The following HEMK2 variants were observed in gnomAD, a reference collection of about 807,000 sequenced individuals.
The protein encoded by HEMK2 is methyltransferase HEMK2.
At chr21:28,682,539 A>G in the HEMK2 span, among the ~76,000 whole-genome samples, 1 of 152,094 alleles carries the variant, frequency 6.6e-6, no homozygotes, top group East Asian at 1.9e-4. Context: ...TGACCCAGCC[A>G]TCCCATTACT....
the HEMK2 span, among the ~76,000 whole-genome samples, chr21:28,744,433 C>T: frequency 2.0e-5 from 3 of 152,076 alleles, no homozygotes; most frequent in East Asian, 5.8e-4. Flanking sequence ...TGGTTAATTG[C>T]CGAACACTTT....
At chr21:28,829,620 T>A in the HEMK2 span, among the ~76,000 whole-genome samples, 1 of 152,148 alleles carries the variant, frequency 6.6e-6, no homozygotes, top group African/African-American at 2.4e-5. Context: ...GGTATTCTGT[T>A]ACAGCTGCAC....
chr21:28,847,385 A>G, the HEMK2 span, among the ~76,000 whole-genome samples: 5 of 152,344 alleles, frequency 3.3e-5, no homozygotes, highest in East Asian at 3.9e-4. Flanking sequence ...AATGTTGAGC[A>G]TATTTTCATA....
the HEMK2 span, among the ~76,000 whole-genome samples, chr21:28,842,369 CCTCT>C: frequency 6.6e-6 from 1 of 152,002 alleles, no homozygotes; most frequent in South Asian, 2.1e-4. Context: ...TAAACATTTA[CCTCT>C]CTCACCCTTT....
At chr21:28,855,031 T>C in the HEMK2 span, among the ~76,000 whole-genome samples, 1 of 152,176 alleles carries the variant, frequency 6.6e-6, no homozygotes, top group Non-Finnish European at 1.5e-5. Flanking sequence ...ACCTTGAATG[T>C]AAATGGGCTA....
chr21:28,671,375 G>A, the HEMK2 span: 3 of 152,300 alleles, frequency 2.0e-5, no homozygotes, highest in Admixed American at 1.3e-4. Flanking sequence ...AATCATGAGA[G>A]GAAGATTTCA....
the HEMK2 span, among the ~76,000 whole-genome samples, chr21:28,611,944 A>G: frequency 6.6e-6 from 1 of 151,924 alleles, no homozygotes; most frequent in Non-Finnish European, 1.5e-5. Flanking sequence ...TTACCAACAA[A>G]AAAATTTCAG....
the HEMK2 span, among the ~76,000 whole-genome samples, chr21:28,861,288 A>ACATAATAG: frequency 6.6e-6 from 1 of 152,224 alleles, no homozygotes; most frequent in African/African-American, 2.4e-5. Flanking sequence ...TGCTGTAATA[A>ACATAATAG]ACAGCAGAGG....
At chr21:28,804,764 G>A in the HEMK2 span, among the ~76,000 whole-genome samples, 2 of 152,028 alleles carry the variant, frequency 1.3e-5, no homozygotes, top group Admixed American at 6.6e-5. Flanking sequence ...AACATTAGAC[G>A]GGCCACATGG....
the HEMK2 span, among the ~76,000 whole-genome samples, chr21:28,772,094 C>T: frequency 6.6e-6 from 1 of 152,112 alleles, no homozygotes; most frequent in African/African-American, 2.4e-5. Flanking sequence ...CTGGGGTTTG[C>T]AGGAACAGAA....
the HEMK2 span, among the ~76,000 whole-genome samples, chr21:28,621,622 C>T: frequency 5.4e-3 from 814 of 151,918 alleles, 17 homozygotes; most frequent in East Asian, 0.067. Flanking sequence ...TTGGGATAGG[C>T]GGTGGAATTA....
the HEMK2 span, among the ~76,000 whole-genome samples, chr21:28,620,093 CAG>C: frequency 2.2e-3 from 335 of 152,252 alleles, 2 homozygotes; most frequent in African/African-American, 7.6e-3. Context: ...GGAGTGGTGA[CAG>C]AGGACATTCA....
chr21:28,608,601 A>C, the HEMK2 span, among the ~76,000 whole-genome samples: 2 of 152,206 alleles, frequency 1.3e-5, no homozygotes, highest in African/African-American at 4.8e-5. Flanking sequence ...TCTGTGAGAC[A>C]GCTGAGGAAC....
At chr21:28,808,889 T>C in the HEMK2 span, among the ~76,000 whole-genome samples, 3 of 152,168 alleles carry the variant, frequency 2.0e-5, no homozygotes, top group Non-Finnish European at 4.4e-5. Flanking sequence ...AATTTAATAG[T>C]TTTAATTAAG....
the HEMK2 span, among the ~76,000 whole-genome samples, chr21:28,832,625 A>T: frequency 6.6e-6 from 1 of 152,194 alleles, no homozygotes; most frequent in Non-Finnish European, 1.5e-5. Context: ...AACTCTCTCT[A>T]AACATCATGT....
chr21:28,881,278 T>G, the HEMK2 span, among the ~76,000 whole-genome samples: 2 of 152,126 alleles, frequency 1.3e-5, no homozygotes, highest in African/African-American at 2.4e-5. Flanking sequence ...GTGGCCTGAG[T>G]AGGGTTTATC....
chr21:28,787,905 A>C, the HEMK2 span, among the ~76,000 whole-genome samples: 415 of 152,254 alleles, frequency 2.7e-3, 4 homozygotes, highest in Non-Finnish European at 1.4e-3. Flanking sequence ...AGATACTTGC[A>C]CGTGCATGTT....
the HEMK2 span, among the ~76,000 whole-genome samples, chr21:28,607,708 C>T: frequency 2.6e-5 from 4 of 152,162 alleles, no homozygotes; most frequent in African/African-American, 9.7e-5. Flanking sequence ...TATTACCTGG[C>T]ACATTGAGAA....
chr21:28,872,503 C>G, the HEMK2 span: 122 of 152,356 alleles, frequency 8.0e-4, no homozygotes, highest in Middle Eastern at 3.4e-3. Context: ...TCTCCAGGAA[C>G]CCTTCTCTAT....
Sources: allele counts gnomAD v4.1 joint callset (sites outside exome capture counted in the v4.1 genomes callset), GRCh38; gene constraint gnomAD v4.1.1; transcripts MANE v1.5; gene names NCBI Gene and HGNC (gene_info 2026-07-23, HGNC 2026-07-21).